WDR49: variants seen among roughly 807,000 people sequenced by gnomAD.
WDR49 encodes cilia- and flagella-associated protein 337.
Under a neutral mutation model 119.5 loss-of-function variants are expected in WDR49, and 107 were observed. The ratio of observed to expected loss-of-function variants is 0.90; its 90% CI spans 0.77 to 1.05. The LOEUF is 1.05. Ranked by LOEUF, WDR49 falls within the 50% of genes least tolerant of loss-of-function variation. The pLI is 0.00. For missense variants in WDR49, 1,240 were observed against 1,220.5 expected, an observed-to-expected ratio of 1.02 and a Z score of -0.24; for synonymous variants, 425 against 418.8, an observed-to-expected ratio of 1.01 and a Z score of -0.18.
intron 5 of WDR49, among the ~76,000 whole-genome samples, chr3:167,605,436 A>T (rs1424573764): frequency 6.6e-6 from 1 of 152,092 alleles, no homozygotes; most frequent in African/African-American, 2.4e-5. Flanking sequence ...TCAATCCTCA[A>T]AGATTTATTG....
intron 2 of WDR49, among the ~76,000 whole-genome samples, chr3:167,640,502 G>A (rs138033344): frequency 3.9e-4 from 59 of 151,904 alleles, no homozygotes; most frequent in African/African-American, 1.3e-3. Flanking sequence ...GAAGCTGCTC[G>A]TAACAAGAAG....
chr3:167,507,600 C>G (rs1238846325), intron 16 of WDR49, among the ~76,000 whole-genome samples: 1 of 152,118 alleles, frequency 6.6e-6, no homozygotes, highest in African/African-American at 2.4e-5. Context: ...GAGTAGTTAA[C>G]AATATATCTT....
At chr3:167,545,501 ATTATATAT>A (rs1560278839) in intron 10 of WDR49, among the ~76,000 whole-genome samples, 1 of 129,462 alleles carries the variant, frequency 7.7e-6, no homozygotes, top group African/African-American at 2.8e-5. Flanking sequence ...TATATTATAT[ATTATATAT>A]TATATATATA....
intron 16 of WDR49, among the ~76,000 whole-genome samples, chr3:167,516,596 A>T (rs986666789): frequency 3.9e-5 from 6 of 152,054 alleles, no homozygotes; most frequent in African/African-American, 1.4e-4. Context: ...ATGATATATG[A>T]TCCTTTGGGT....
chr3:167,586,473 C>A (rs955741443), intron 7 of WDR49, among the ~76,000 whole-genome samples: 5 of 152,164 alleles, frequency 3.3e-5, no homozygotes, highest in Non-Finnish European at 7.3e-5. Context: ...AGTTTCAGAT[C>A]ATTTTTGGAG....
intron 15 of WDR49, among the ~76,000 whole-genome samples, chr3:167,525,464 T>C (rs1182671973): frequency 2.6e-5 from 4 of 152,094 alleles, no homozygotes; most frequent in African/African-American, 9.7e-5. Flanking sequence ...ACATGAAATC[T>C]ATTATTGTTT....
intron 2 of WDR49, among the ~76,000 whole-genome samples, chr3:167,648,039 T>A (rs1362699617): frequency 6.6e-6 from 1 of 151,734 alleles, no homozygotes; most frequent in Non-Finnish European, 1.5e-5. Flanking sequence ...AAAGGAAGGT[T>A]ATCTTGTGGC....
intron 16 of WDR49, among the ~76,000 whole-genome samples, chr3:167,520,437 A>G (rs576357182): frequency 1.1e-4 from 16 of 152,258 alleles, no homozygotes; most frequent in African/African-American, 3.6e-4. Flanking sequence ...AAGATTGAGT[A>G]GGGTAGGTGG....
At chr3:167,587,267 T>C (rs936065139) in intron 7 of WDR49, among the ~76,000 whole-genome samples, 3 of 152,092 alleles carry the variant, frequency 2.0e-5, no homozygotes, top group Admixed American at 1.3e-4. Context: ...AATTCAATAA[T>C]GGAAATGAAA....
chr3:167,517,341 G>C (rs1435765649), intron 16 of WDR49, among the ~76,000 whole-genome samples: 1 of 152,082 alleles, frequency 6.6e-6, no homozygotes, highest in African/African-American at 2.4e-5. Context: ...CCATGGAACA[G>C]AATAGAGAAC....
At chr3:167,655,115 C>T (rs1718558265), upstream of WDR49, among the ~76,000 whole-genome samples, 1 of 152,086 alleles carries the variant, frequency 6.6e-6, no homozygotes, top group Non-Finnish European at 1.5e-5. Context: ...AAAATCATGA[C>T]AGAAAGCTAA....
At chr3:167,502,532 TC>T (rs1430747626) in intron 17 of WDR49, among the ~76,000 whole-genome samples, 3 of 152,176 alleles carry the variant, frequency 2.0e-5, no homozygotes, top group Non-Finnish European at 4.4e-5. Context: ...GTAGCCAAAG[TC>T]CTGATAGTGA....
At chr3:167,553,050 T>A (rs966592927) in intron 10 of WDR49, among the ~76,000 whole-genome samples, 2 of 152,078 alleles carry the variant, frequency 1.3e-5, no homozygotes. Flanking sequence ...AACTGAACAG[T>A]TTCCTGCCCT....
intron 7 of WDR49, among the ~76,000 whole-genome samples, chr3:167,580,082 T>A (rs1560295902): frequency 6.6e-6 from 1 of 152,164 alleles, no homozygotes; most frequent in Non-Finnish European, 1.5e-5. Flanking sequence ...TAAAAACAGG[T>A]GAGCCATAAC....
intron 8 of WDR49, among the ~76,000 whole-genome samples, chr3:167,570,776 G>T (rs1390600497): frequency 6.6e-6 from 1 of 152,136 alleles, no homozygotes; most frequent in Non-Finnish European, 1.5e-5. Flanking sequence ...AGTGGCTCAC[G>T]CCTGCAATCC....
intron 17 of WDR49, 68 bp from the exon 18 acceptor site, chr3:167,500,367 A>G: frequency 6.4e-7 from 1 of 1,553,400 alleles, no homozygotes; most frequent in Non-Finnish European, 8.7e-7. Context: ...CTCCTTGGAA[A>G]GAGCCAGCAC....
intron 3 of WDR49, among the ~76,000 whole-genome samples, chr3:167,622,880 C>A (rs1338418567): frequency 6.6e-6 from 1 of 151,942 alleles, no homozygotes; most frequent in Non-Finnish European, 1.5e-5. Flanking sequence ...TCTCCAAACA[C>A]AATGGAATGA....
intron 7 of WDR49, among the ~76,000 whole-genome samples, chr3:167,595,847 A>G (rs1715397530): frequency 6.6e-6 from 1 of 151,808 alleles, no homozygotes; most frequent in Non-Finnish European, 1.5e-5. Flanking sequence ...AGCAATGGCA[A>G]CAAAAGCCAA....
At chr3:167,584,718 C>A (rs1302205747) in intron 7 of WDR49, among the ~76,000 whole-genome samples, 1 of 150,724 alleles carries the variant, frequency 6.6e-6, no homozygotes, top group African/African-American at 2.4e-5. Context: ...CCTTAGGCAA[C>A]CATTTGTAGA....
Sources: allele counts gnomAD v4.1 joint callset (sites outside exome capture counted in the v4.1 genomes callset), GRCh38; gene constraint gnomAD v4.1.1; transcripts MANE v1.5; gene names NCBI Gene and HGNC (gene_info 2026-07-23, HGNC 2026-07-21).